Variants in ARHGEF12 observed in about 807,000 individuals in gnomAD.
ARHGEF12 encodes KMT2A/ARHGEF12 fusion protein.
A neutral mutation model predicts 211.2 loss-of-function variants in ARHGEF12; 66 were observed. The ratio of observed to expected loss-of-function variants is 0.31; its 90% confidence interval spans 0.26 to 0.38. The LOEUF (loss-of-function observed/expected upper bound fraction) is 0.38. Among genes scored for constraint, ARHGEF12 ranks in the 10% least tolerant of loss-of-function variants. The pLI, the probability that ARHGEF12 is intolerant of heterozygous loss-of-function variation, is 1.00. For missense variants in ARHGEF12, 1,429 were observed against 1,869.5 expected, an observed-to-expected ratio of 0.76 and a Z score of 4.34; for synonymous variants, 592 against 638.4, an observed-to-expected ratio of 0.93 and a Z score of 1.09.
Position 120,347,266 on chromosome 11 carries a change from C to CTGTGTG in ARHGEF12, c.32+9994_32+9995insGTGTGT, listed in dbSNP as rs1403212586. ...TCTGTTTCTCTCTCTCTCTCTCTCT[C>CTGTGTG]TGTCTGTGTGTGTGTGTGTGTGTGT... On this transcript the variant is annotated intron_variant, in intron 1 of 40. Coordinates refer to ENST00000397843, the MANE Select transcript of ARHGEF12 (RefSeq NM_015313.3). Among the ~76,000 whole-genome samples, 566 of 133,578 alleles carry CTGTGTG rather than the reference C, an allele frequency of 4.2e-3. 9 individuals carry two copies. Among genetic ancestry groups the CTGTGTG allele is most frequent in the African/African-American group, 0.017 (549 of 33,058 alleles). 87.6% of individuals were successfully genotyped at this position (133,578 alleles called of 152,430 possible).
chr11:120,441,640 T>C (rs767831971), intron 13 of ARHGEF12, 67 bp from the exon 14 acceptor site: 8 of 1,295,396 alleles, frequency 6.2e-6, no homozygotes, highest in Non-Finnish European at 8.8e-6. Flanking sequence ...CTATGTTCAA[T>C]TGAGCCTACT....
intron 15 of ARHGEF12, 112 bp from the exon 16 acceptor site, chr11:120,445,310 T>A: frequency 1.0e-6 from 1 of 961,110 alleles, no homozygotes; most frequent in Non-Finnish European, 1.7e-6. Context: ...TGTACTTGAT[T>A]GTGCTTGTAG....
In ARHGEF12 at chr11:120,337,896, C is replaced by T. The variant is rs1040816028; in HGVS notation, c.32+621C>T. On this transcript the variant is annotated intron_variant, in intron 1 of 40. Coordinates refer to ENST00000397843, the MANE Select transcript of ARHGEF12 (RefSeq NM_015313.3). ...TAAATCATGGGGTTTGCTTTTAATT[C>T]TTGTATTTAAATATTTCGTCTTCCA... 1.1e-5 allele frequency: 11 copies of T among 985,220 alleles called. No homozygotes were observed. The African/African-American group carries it at 1.6e-4, about 14-fold the overall frequency. 61.0% of individuals were successfully genotyped at this position (985,220 alleles called of 1,614,324 possible). A position where few individuals can be genotyped will look rare whatever the true frequency, so the allele number is the denominator to read the frequency against.
intron 13 of ARHGEF12, among the ~76,000 whole-genome samples, 164 bp downstream of exon 13, chr11:120,440,385 C>G (rs1945834458): frequency 6.6e-6 from 1 of 152,056 alleles, no homozygotes; most frequent in South Asian, 2.1e-4. Context: ...TTAGCTTTGA[C>G]CAACAGAAAT....
At chr11:120,466,844 A>G (rs2135936253) in intron 28 of ARHGEF12, among the ~76,000 whole-genome samples, 1 of 152,326 alleles carries the variant, frequency 6.6e-6, no homozygotes, top group Non-Finnish European at 1.5e-5. Flanking sequence ...TTAGCTAACC[A>G]ATTTTGGTAG....
At chr11:120,477,386 G>T in intron 35 of ARHGEF12, 61 bp from the exon 36 acceptor site, 1 of 1,593,670 alleles carries the variant, frequency 6.3e-7, no homozygotes, top group African/African-American at 1.4e-5. Context: ...ATGTTTTGTT[G>T]CGATGATGTT....
At chr11:120,421,687 C>T (rs959871279) in intron 5 of ARHGEF12, 116 bp from the exon 6 acceptor site, 112 of 878,878 alleles carry the variant, frequency 1.3e-4, no homozygotes, top group Admixed American at 1.7e-4. Context: ...CCGCCCGCCT[C>T]GGCCTCCCAA....
chr11:120,339,570 G>T lies in ARHGEF12; in HGVS notation c.32+2295G>T, dbSNP rs193111671. On this transcript the variant is annotated intron_variant, in intron 1 of 40. Coordinates refer to ENST00000397843, the MANE Select transcript of ARHGEF12 (RefSeq NM_015313.3). ...TTTCAAGTTTGAAGTGCTGTATGTGGTATGGCTTTGTTTCGTAGAGTGTGC... is the reference window on the plus strand; with the variant it reads ...TTTCAAGTTTGAAGTGCTGTATGTGTTATGGCTTTGTTTCGTAGAGTGTGC... 2.6e-5 allele frequency among the ~76,000 whole-genome samples: 4 copies of T among 152,296 alleles called. No individual in the cohort carries two copies. In the East Asian group the frequency reaches 7.7e-4, roughly 29 times the overall value.
At chr11:120,427,990 A>G in intron 7 of ARHGEF12, 79 bp from the exon 8 acceptor site, 1 of 1,203,678 alleles carries the variant, frequency 8.3e-7, no homozygotes, top group South Asian at 2.0e-5. Context: ...ATCGAAGATT[A>G]AGTAGTAAAA....
chr11:120,480,546 CAT>C (rs964273718), intron 38 of ARHGEF12, 116 bp downstream of exon 38: 101 of 983,296 alleles, frequency 1.0e-4, no homozygotes, highest in Middle Eastern at 3.3e-4. Flanking sequence ...TGTGTTCACA[CAT>C]GTGCAATATT....
intron 1 of ARHGEF12, among the ~76,000 whole-genome samples, chr11:120,368,276 G>T (rs1565432755): frequency 6.6e-6 from 1 of 152,130 alleles, no homozygotes; most frequent in South Asian, 2.1e-4. Context: ...TAGTAGCTGG[G>T]ACTACAGGCA....
intron 11 of ARHGEF12, among the ~76,000 whole-genome samples, chr11:120,436,015 G>C (rs1161934923): frequency 6.6e-6 from 1 of 152,160 alleles, no homozygotes; most frequent in Non-Finnish European, 1.5e-5. Flanking sequence ...AGAAAATGTA[G>C]GGTAAATACT....
chr11:120,435,556 C>T (rs541048610), intron 11 of ARHGEF12, among the ~76,000 whole-genome samples: 9 of 147,858 alleles, frequency 6.1e-5, no homozygotes, highest in African/African-American at 2.2e-4. Flanking sequence ...GCTCTGTTGC[C>T]CAGGCTGGAG....
At chr11:120,467,435 T>G (rs1946736558) in intron 29 of ARHGEF12, 127 bp downstream of exon 29, 2 of 319,674 alleles carry the variant, frequency 6.3e-6, no homozygotes, top group East Asian at 6.1e-5. Flanking sequence ...AAGATTTTCT[T>G]TTTTTTTTTT....
intron 6 of ARHGEF12, among the ~76,000 whole-genome samples, chr11:120,422,760 C>G (rs575356603): frequency 6.6e-6 from 1 of 152,210 alleles, no homozygotes; most frequent in African/African-American, 2.4e-5. Context: ...ATATAAGAAT[C>G]ACTAAAGATA....
intron 39 of ARHGEF12, among the ~76,000 whole-genome samples, chr11:120,483,256 ATCT>A (rs1187933944): frequency 8.1e-6 from 1 of 122,874 alleles, no homozygotes; most frequent in African/African-American, 3.0e-5. Flanking sequence ...CTCCATAATA[ATCT>A]TTTTTTTTTT....
At chr11:120,449,440 C>T in intron 21 of ARHGEF12, 1 of 438,636 alleles carries the variant, frequency 2.3e-6, no homozygotes, top group Non-Finnish European at 4.1e-6. Context: ...GTGATTCACG[C>T]CTGTAATCCC....
At chr11:120,460,128 G>A (rs1428602769) in intron 26 of ARHGEF12, among the ~76,000 whole-genome samples, 9 of 152,158 alleles carry the variant, frequency 5.9e-5, no homozygotes, top group Non-Finnish European at 1.3e-4. Flanking sequence ...GTAATATGAT[G>A]TTCCTCTCAT....
chr11:120,419,012 C>T (rs531347788), intron 4 of ARHGEF12, among the ~76,000 whole-genome samples: 4 of 151,290 alleles, frequency 2.6e-5, no homozygotes, highest in Admixed American at 6.6e-5. Context: ...CTCGCTCTGT[C>T]GCCCAGGCTG....
Sources: allele counts gnomAD v4.1 joint callset (sites outside exome capture counted in the v4.1 genomes callset), GRCh38; gene constraint gnomAD v4.1.1; transcripts MANE v1.5; gene names NCBI Gene and HGNC (gene_info 2026-07-23, HGNC 2026-07-21).